Variants in TSNAX observed in about 807,000 individuals in gnomAD.
TSNAX encodes the protein translin-associated protein X.
Under a neutral mutation model 33.0 loss-of-function variants are expected in TSNAX, and 12 were observed. The observed-to-expected ratio is 0.36, with a 90% confidence interval of 0.23 to 0.59. The LOEUF (loss-of-function observed/expected upper bound fraction) is 0.59, where lower values mean the gene tolerates loss of function less well. Among genes scored for constraint, TSNAX ranks in the 20% least tolerant of loss-of-function variants. The probability of loss-of-function intolerance (pLI) is 0.74; values close to 1 mark genes in which losing one functional copy is unlikely to be tolerated. For synonymous variants in TSNAX, 110 were observed against 117.2 expected, an observed-to-expected ratio of 0.94 and a Z score of 0.40; for missense variants, 267 against 341.3, an observed-to-expected ratio of 0.78 and a Z score of 1.72.
At chr1:231,556,939 G>A (rs748938581) in intron 4 of TSNAX, among the ~76,000 whole-genome samples, 29 of 151,222 alleles carry the variant, frequency 1.9e-4, no homozygotes, top group Non-Finnish European at 2.9e-4. Flanking sequence ...TATTCTGAGC[G>A]CCATGGGAAG....
At position 231,564,515 on chromosome 1, in the gene TSNAX, GT is replaced by G; in HGVS notation, c.496-6del. Reference sequence around the variant, plus strand: ...TGTGTGTGTGTTTTTGTTTTGTTTTGTTTTTTTACCAGCCCTCCTCTGATGC... The same window carrying G: ...TGTGTGTGTGTTTTTGTTTTGTTTTGTTTTTTACCAGCCCTCCTCTGATGC... On this transcript the variant is annotated splice_polypyrimidine_tract_variant and intron_variant, in intron 5 of 5. Coordinates refer to ENST00000366639, the MANE Select transcript of TSNAX (RefSeq NM_005999.3). 6.3e-7 allele frequency: 1 copy of G among 1,589,594 alleles called. No homozygotes were observed. The highest frequency in any genetic ancestry group is 1.1e-5 in the South Asian group (1 of 88,396).
chr1:231,557,417 G>C (rs1197738989), intron 4 of TSNAX, among the ~76,000 whole-genome samples: 1 of 152,176 alleles, frequency 6.6e-6, no homozygotes, highest in Non-Finnish European at 1.5e-5. Context: ...AAGACGGAAA[G>C]AATGTCCATT....
At chr1:231,555,887 G>T (rs754365506) in intron 4 of TSNAX, among the ~76,000 whole-genome samples, 1 of 152,256 alleles carries the variant, frequency 6.6e-6, no homozygotes, top group South Asian at 2.1e-4. Flanking sequence ...TTTTGGACAT[G>T]CAAGAGTAGA....
intron 4 of TSNAX, among the ~76,000 whole-genome samples, chr1:231,559,778 G>T (rs1319307191): frequency 1.3e-5 from 2 of 150,656 alleles, no homozygotes; most frequent in Admixed American, 6.6e-5. Context: ...TCAATTCAAG[G>T]GTTGTTTCTG....
rs2124955870 is a variant in TSNAX at position 231,565,926 on chromosome 1, A to T, written c.*1021A>T. ...AGGTCTGATAGAGAATTGGAGCTAA[A>T]TTATAATATTTTTGTTGGTAAAGTT... On this transcript the variant is annotated 3_prime_UTR_variant, in exon 6 of 6. Transcript: ENST00000366639. The T allele has an allele frequency of 6.6e-6, 1 of 152,180 alleles. No individual in the cohort carries two copies. Among genetic ancestry groups the T allele is most frequent in the East Asian group, 1.9e-4 (1 of 5,178 alleles). The allele number at this position is 152,180 out of a possible 1,614,324, so 9.4% of individuals were successfully genotyped here. A position where few individuals can be genotyped will look rare whatever the true frequency, so the allele number is the denominator to read the frequency against.
chr1:231,546,266 C>G (rs1270778563), intron 4 of TSNAX, among the ~76,000 whole-genome samples: 1 of 152,102 alleles, frequency 6.6e-6, no homozygotes, highest in Non-Finnish European at 1.5e-5. Context: ...TTTTAAAAGG[C>G]TTTTTGTTGT....
At chr1:231,549,576 G>A (rs145835721) in intron 4 of TSNAX, among the ~76,000 whole-genome samples, 3 of 152,314 alleles carry the variant, frequency 2.0e-5, no homozygotes, top group African/African-American at 2.4e-5. Flanking sequence ...AATGAATGAG[G>A]CAGAAAGTTA....
At chr1:231,530,156 C>T (rs1423028309) in intron 2 of TSNAX, among the ~76,000 whole-genome samples, 2 of 152,198 alleles carry the variant, frequency 1.3e-5, no homozygotes, top group African/African-American at 4.8e-5. Flanking sequence ...AGGAGGAAAC[C>T]ACAATCTCTA....
intron 4 of TSNAX, among the ~76,000 whole-genome samples, chr1:231,549,629 G>A (rs1660172872): frequency 6.6e-6 from 1 of 152,192 alleles, no homozygotes; most frequent in African/African-American, 2.4e-5. Context: ...TTGGCAGTAG[G>A]ATGACAGTGG....
At chr1:231,547,212 CTT>C (rs1346097727) in intron 4 of TSNAX, among the ~76,000 whole-genome samples, 1 of 151,862 alleles carries the variant, frequency 6.6e-6, no homozygotes, top group African/African-American at 2.4e-5. Flanking sequence ...GGTGAGAAGA[CTT>C]TTAGTTCTAC....
In TSNAX at chr1:231,528,688, C is replaced by A; in HGVS notation, c.-123C>A. ...AGACTTCCGGCCACTGCGTTGTAGT[C>A]GGCCCGGCTGCAAAGCGTTTTTCTG... On this transcript the variant is annotated 5_prime_UTR_variant, in exon 1 of 6. Transcript: ENST00000366639. The A allele has an allele frequency of 2.7e-6, 3 of 1,123,836 alleles. No individual in the cohort carries two copies. Among genetic ancestry groups the A allele is most frequent in the Non-Finnish European group, 2.6e-6 (2 of 756,100 alleles). 69.6% of individuals were successfully genotyped at this position (1,123,836 alleles called of 1,614,324 possible).
At chr1:231,546,419 G>T (rs1480676345) in intron 4 of TSNAX, among the ~76,000 whole-genome samples, 1 of 152,142 alleles carries the variant, frequency 6.6e-6, no homozygotes, top group East Asian at 1.9e-4. Context: ...AATGTTTAGG[G>T]AAGTTCCAAA....
intron 3 of TSNAX, among the ~76,000 whole-genome samples, chr1:231,541,588 TAAGA>T (rs1219647858): frequency 8.6e-6 from 1 of 116,562 alleles, no homozygotes; most frequent in Non-Finnish European, 1.7e-5. Flanking sequence ...GATTTAAAAA[TAAGA>T]AAAATATTTA....
intron 4 of TSNAX, among the ~76,000 whole-genome samples, chr1:231,548,374 A>G (rs1010390471): frequency 1.3e-4 from 20 of 152,208 alleles, no homozygotes; most frequent in African/African-American, 4.6e-4. Flanking sequence ...TGCTTGCAAG[A>G]GACTTAGCTT....
At chr1:231,530,004 G>A (rs549985547) in intron 2 of TSNAX, among the ~76,000 whole-genome samples, 1 of 152,340 alleles carries the variant, frequency 6.6e-6, no homozygotes, top group South Asian at 2.1e-4. Context: ...GATTGGGGCT[G>A]AAGGATCTAC....
intron 2 of TSNAX, chr1:231,536,225 T>C (rs1659162061): frequency 6.6e-6 from 1 of 152,234 alleles, no homozygotes; most frequent in African/African-American, 2.4e-5. Context: ...AGTGATTGTC[T>C]ATTTTCAGTC....
chr1:231,547,397 T>C (rs1659992525), intron 4 of TSNAX, among the ~76,000 whole-genome samples: 1 of 143,182 alleles, frequency 7.0e-6, no homozygotes, highest in African/African-American at 2.6e-5. Context: ...TTCTTTTTTT[T>C]TTTTTTTTTT....
At chr1:231,541,182 C>T (rs1248356873) in intron 3 of TSNAX, among the ~76,000 whole-genome samples, 1 of 152,034 alleles carries the variant, frequency 6.6e-6, no homozygotes, top group East Asian at 1.9e-4. Flanking sequence ...CCCATTTTAT[C>T]TTATTTGTAG....
chr1:231,557,449 C>T (rs1660766328), intron 4 of TSNAX, among the ~76,000 whole-genome samples: 1 of 152,132 alleles, frequency 6.6e-6, no homozygotes, highest in African/African-American at 2.4e-5. Context: ...TTATGGTAAT[C>T]TTAGCAAGAA....
Sources: allele counts gnomAD v4.1 joint callset (sites outside exome capture counted in the v4.1 genomes callset), GRCh38; gene constraint gnomAD v4.1.1; transcripts MANE v1.5; gene names NCBI Gene and HGNC (gene_info 2026-07-23, HGNC 2026-07-21).